The following DNM3 variants were observed in gnomAD, a reference collection of about 807,000 sequenced individuals.
The protein encoded by DNM3 is dynamin-3.
In DNM3, 47 loss-of-function variants were observed where a neutral mutation model predicts 101.6. That is an observed-to-expected ratio of 0.46 (90% CI 0.37 to 0.59). The LOEUF is 0.59. Ranked by LOEUF, DNM3 falls within the 20% of genes least tolerant of loss-of-function variation. DNM3 has a pLI of 0.00. For synonymous variants in DNM3, 385 were observed against 387.9 expected (o/e 0.99, Z 0.09); for missense variants, 849 against 1,085.7 (o/e 0.78, Z 3.06).
At chr1:172,189,721 G>A (rs1365973304) in intron 14 of DNM3, among the ~76,000 whole-genome samples, 2 of 152,114 alleles carry the variant, frequency 1.3e-5, no homozygotes, top group African/African-American at 4.8e-5. Context: ...CAGTTCTGCA[G>A]GCTGTACAAG....
chr1:171,883,415 CCTG>C (rs2036493747), intron 1 of DNM3, among the ~76,000 whole-genome samples: 1 of 48,150 alleles, frequency 2.1e-5, no homozygotes, highest in African/African-American at 7.2e-5. Context: ...ACACACACAC[CCTG>C]TCAGAATGAA....
chr1:172,282,813 C>T (rs1321585992), intron 15 of DNM3, among the ~76,000 whole-genome samples: 3 of 152,070 alleles, frequency 2.0e-5, no homozygotes, highest in Non-Finnish European at 4.4e-5. Context: ...GCAACTATAC[C>T]CCAGTGGACA....
chr1:172,106,262 A>G (rs1159412611), intron 13 of DNM3, among the ~76,000 whole-genome samples: 1 of 152,178 alleles, frequency 6.6e-6, no homozygotes, highest in Non-Finnish European at 1.5e-5. Flanking sequence ...CTCTACTAAA[A>G]ATACAAAAAT....
intron 1 of DNM3, among the ~76,000 whole-genome samples, chr1:171,875,970 C>T (rs974364802): frequency 1.3e-5 from 2 of 151,746 alleles, no homozygotes; most frequent in African/African-American, 4.8e-5. Flanking sequence ...GCCACCATGC[C>T]CAGCTAATTT....
At chr1:172,066,968 GTGTGTGTT>G (rs1356822863) in intron 10 of DNM3, among the ~76,000 whole-genome samples, 1 of 151,516 alleles carries the variant, frequency 6.6e-6, no homozygotes, top group African/African-American at 2.4e-5. Flanking sequence ...GTGTGTGTGT[GTGTGTGTT>G]TGTGTGTGTG....
chr1:172,336,329 AATG>A (rs2066426169), intron 17 of DNM3, among the ~76,000 whole-genome samples: 1 of 152,136 alleles, frequency 6.6e-6, no homozygotes, highest in African/African-American at 2.4e-5. Flanking sequence ...TGCACTTTCT[AATG>A]TTTATACTCA....
chr1:172,004,227 A>G lies in DNM3; in HGVS notation c.589+15079A>G, dbSNP rs749579843. Among the ~76,000 whole-genome samples the G allele has an allele frequency of 4.0e-4, 61 of 152,078 alleles. 1 individual carries two copies. The highest frequency in any genetic ancestry group is 6.0e-4 in the Non-Finnish European group (41 of 67,976). ...GATTGAAGAATAGCAATGTGTTCCT[A>G]TAAAGAGAAGAAAGAAAAATGGGAG... On this transcript the variant is annotated intron_variant, in intron 4 of 20. Transcript: ENST00000627582.
intron 8 of DNM3, 77 bp downstream of exon 8, chr1:172,042,221 G>T: frequency 1.4e-6 from 2 of 1,392,872 alleles, no homozygotes; most frequent in Non-Finnish European, 1.9e-6. Flanking sequence ...ATACAATATT[G>T]TGTGAGTGGT....
chr1:172,068,816 C>A lies in DNM3; in HGVS notation c.1336-3C>A, dbSNP rs754325737. On this transcript the variant is annotated splice_polypyrimidine_tract_variant and splice_region_variant and intron_variant, in intron 10 of 20. Transcript: ENST00000627582. ...TAATACTCAGATCTGCTTTTCTTGACAGCTGGCAAACTTCCCCAGACTCTG... is the reference window on the plus strand; with the variant it reads ...TAATACTCAGATCTGCTTTTCTTGAAAGCTGGCAAACTTCCCCAGACTCTG... 2 of 1,565,932 alleles carry A rather than the reference C, an allele frequency of 1.3e-6. No homozygotes were observed. The highest frequency in any genetic ancestry group is 2.4e-5 in the South Asian group (2 of 84,784).
At chr1:172,051,488 A>G (rs1324015311) in intron 10 of DNM3, among the ~76,000 whole-genome samples, 1 of 152,182 alleles carries the variant, frequency 6.6e-6, no homozygotes, top group East Asian at 1.9e-4. Flanking sequence ...AGTCCACTCT[A>G]GCATCATAGT....
rs150856342 is a variant in DNM3, at chr1:172,013,964, G to C, written c.590-18438G>C. Among the ~76,000 whole-genome samples, 238 of 152,200 alleles carry C rather than the reference G, an allele frequency of 1.6e-3. 1 individual carries two copies. The highest frequency in any genetic ancestry group is 5.4e-3 in the African/African-American group (223 of 41,538). ...AGTACTCAGCAAAATTAGGCAGCAA[G>C]TACAGAGAGTTCCCATATAACCTCA... On this transcript the variant is annotated intron_variant, in intron 4 of 20. Coordinates refer to ENST00000627582, the MANE Select transcript of DNM3 (RefSeq NM_015569.5).
At chr1:172,113,884 A>T (rs533403938) in intron 13 of DNM3, among the ~76,000 whole-genome samples, 5 of 152,322 alleles carry the variant, frequency 3.3e-5, no homozygotes, top group Admixed American at 2.6e-4. Flanking sequence ...TGATGCAAAG[A>T]GGCAAATAAT....
intron 16 of DNM3, among the ~76,000 whole-genome samples, chr1:172,316,051 T>C (rs1182375025): frequency 2.0e-5 from 3 of 151,980 alleles, no homozygotes; most frequent in Non-Finnish European, 2.9e-5. Context: ...CGGCAGAAAC[T>C]CTACAAGCCA....
At chr1:171,882,359 G>A (rs1295349310) in intron 1 of DNM3, among the ~76,000 whole-genome samples, 64 of 84,852 alleles carry the variant, frequency 7.5e-4, no homozygotes, top group Middle Eastern at 6.5e-3. Flanking sequence ...AAAAAAAAAA[G>A]CCCTTTTGCA....
chr1:172,397,226 A>G (rs1315338154), intron 20 of DNM3: 2 of 152,644 alleles, frequency 1.3e-5, no homozygotes, highest in African/African-American at 4.8e-5. Context: ...TTTAATAACT[A>G]AAATAATAAA....
chr1:172,056,527 C>G (rs945700139), intron 10 of DNM3, among the ~76,000 whole-genome samples: 2 of 152,146 alleles, frequency 1.3e-5, no homozygotes, highest in African/African-American at 4.8e-5. Context: ...TCAAGTGGGT[C>G]CCTGACCCCT....
At chr1:172,260,450 C>A (rs907683073) in intron 15 of DNM3, among the ~76,000 whole-genome samples, 2 of 151,906 alleles carry the variant, frequency 1.3e-5, no homozygotes, top group African/African-American at 4.8e-5. Context: ...TCTTGGGACA[C>A]CAAAATTTGA....
At chr1:171,914,306 C>T (rs1023740085) in intron 1 of DNM3, among the ~76,000 whole-genome samples, 1 of 151,988 alleles carries the variant, frequency 6.6e-6, no homozygotes, top group Non-Finnish European at 1.5e-5. Flanking sequence ...TACAGGCATG[C>T]ACCACCACGC....
chr1:172,067,458 C>G (rs2051775911), intron 10 of DNM3, among the ~76,000 whole-genome samples: 1 of 152,014 alleles, frequency 6.6e-6, no homozygotes, highest in East Asian at 1.9e-4. Context: ...TGATGTGGCC[C>G]CTCTCTACTT....
Sources: gnomAD v4.1 joint callset for allele counts (sites outside exome capture counted in the v4.1 genomes callset) on GRCh38, gnomAD v4.1.1 for gene constraint, MANE v1.5 for transcripts, NCBI Gene and HGNC (gene_info 2026-07-23, HGNC 2026-07-21) for gene names.